RARB: variants seen among roughly 807,000 people sequenced by gnomAD.
RARB encodes the protein retinoic acid receptor beta.
In RARB, 17 loss-of-function variants were observed where a neutral mutation model predicts 51.9. The observed-to-expected ratio is 0.33, with a 90% CI of 0.22 to 0.49. RARB has a LOEUF of 0.49. RARB is among the 20% of genes least tolerant of loss of function. RARB has a pLI of 0.99. For missense variants in RARB, 369 were observed against 550.8 expected (o/e 0.67, Z 3.30); for synonymous variants, 215 against 195.4 (o/e 1.10, Z -0.84).
rs150133434 is a variant in RARB, at chr3:25,200,254, C to G, written c.178+25679C>G. Among the ~76,000 whole-genome samples the G allele has an allele frequency of 6.3e-3, 950 of 150,718 alleles. 18 individuals carry two copies. Among genetic ancestry groups the G allele is most frequent in the East Asian group, 0.03 (156 of 5,156 alleles). ...CTGCATAAATGTCTTCTTTTGAGAA[C>G]TGTCTGTTCATATCATTTGCCCACT... On this transcript the variant is annotated intron_variant, in intron 5 of 11. Coordinates refer to the RARB transcript ENST00000383772.
chr3:24,879,044 ACTTTT>A (rs1379242935), intron 2 of RARB, among the ~76,000 whole-genome samples: 2 of 151,984 alleles, frequency 1.3e-5, no homozygotes, highest in African/African-American at 2.4e-5. Flanking sequence ...TTTCACACCT[ACTTTT>A]CTTTTATGTT....
At chr3:25,359,934 A>G (rs1396069034) in intron 5 of RARB, among the ~76,000 whole-genome samples, 1 of 152,224 alleles carries the variant, frequency 6.6e-6, no homozygotes, top group Non-Finnish European at 1.5e-5. Context: ...TGTAGTGCTG[A>G]GAAGAATGTA....
chr3:25,306,710 GA>G (rs1390300186), intron 5 of RARB, among the ~76,000 whole-genome samples: 8 of 152,110 alleles, frequency 5.3e-5, no homozygotes, highest in African/African-American at 4.8e-5. Context: ...TATTCTGGGG[GA>G]AAAAAAGCTG....
chr3:25,436,565 A>G (rs1029535341), intron 1 of RARB, among the ~76,000 whole-genome samples: 1 of 152,162 alleles, frequency 6.6e-6, no homozygotes, highest in South Asian at 2.1e-4. Context: ...AAACAATACA[A>G]ACTAGAGGTA....
At chr3:25,275,917 G>C (rs1703371015) in intron 5 of RARB, among the ~76,000 whole-genome samples, 1 of 152,214 alleles carries the variant, frequency 6.6e-6, no homozygotes, top group African/African-American at 2.4e-5. Context: ...AGAACTTAAA[G>C]TATAATTAAA....
chr3:25,332,877 C>A (rs1704945164), intron 5 of RARB, among the ~76,000 whole-genome samples: 1 of 152,130 alleles, frequency 6.6e-6, no homozygotes, highest in African/African-American at 2.4e-5. Context: ...TCCTATACAC[C>A]AATAACAAAC....
chr3:24,937,709 T>A (rs1332480390), intron 2 of RARB, among the ~76,000 whole-genome samples: 4 of 152,086 alleles, frequency 2.6e-5, no homozygotes, highest in Admixed American at 2.0e-4. Context: ...TCCTCACTGT[T>A]GGGGCATCCT....
chr3:25,010,608 G>C lies in RARB; in HGVS notation c.-379-49517G>C, dbSNP rs117200748. Among the ~76,000 whole-genome samples the C allele has an allele frequency of 6.9e-4, 105 of 152,174 alleles. 1 individual carries two copies. In the East Asian group the frequency reaches 0.015, roughly 22 times the overall value. On this transcript the variant is annotated intron_variant, in intron 2 of 11. Coordinates refer to the RARB transcript ENST00000383772. ...GGATCTTCTATCTGGTTGCAACAAA[G>C]TGGGCACTTCCACATTCATTACCTC...
intron 3 of RARB, among the ~76,000 whole-genome samples, 153 bp downstream of exon 3, chr3:25,501,476 G>A (rs1047061975): frequency 6.6e-6 from 1 of 152,332 alleles, no homozygotes; most frequent in East Asian, 1.9e-4. Flanking sequence ...GATTGATATG[G>A]AGATTTTGAG....
intron 3 of RARB, among the ~76,000 whole-genome samples, chr3:25,070,730 GT>G (rs1275591575): frequency 1.3e-5 from 2 of 152,178 alleles, no homozygotes; most frequent in African/African-American, 4.8e-5. Flanking sequence ...GGTAAAGCCT[GT>G]TTTTTATGGA....
chr3:25,167,837 C>A (rs551540081), intron 4 of RARB, among the ~76,000 whole-genome samples: 14 of 152,230 alleles, frequency 9.2e-5, no homozygotes, highest in African/African-American at 3.4e-4. Context: ...TTCCTCCATT[C>A]GAATACTAGA....
Position 25,135,192 on chromosome 3 carries a change from G to A in RARB, c.-280+2984G>A, listed in dbSNP as rs1388124331. The stretch of plus-strand genomic sequence containing the variant: ...GATAGAGTAGCCACTAGCCAGGTGT[G>A]GCTATTGAGCGCTCAAAAATAGCTA... On this transcript the variant is annotated intron_variant, in intron 4 of 11. Transcript: ENST00000383772. 2.0e-5 allele frequency among the ~76,000 whole-genome samples: 3 copies of A among 151,628 alleles called. No homozygotes were observed. In the East Asian group the frequency reaches 5.8e-4, roughly 29 times the overall value.
chr3:25,563,108 C>T (rs17016773), intron 3 of RARB, among the ~76,000 whole-genome samples: 28,367 of 152,192 alleles, frequency 0.19, 2,979 homozygotes, highest in East Asian at 0.4. Context: ...AAGCATGCTC[C>T]TTGCTCAATT....
chr3:25,109,172 TATAGTTACCTC>T (rs1699558821), intron 3 of RARB, among the ~76,000 whole-genome samples: 1 of 152,212 alleles, frequency 6.6e-6, no homozygotes, highest in South Asian at 2.1e-4. Flanking sequence ...AATGGGTAGG[TATAGTTACCTC>T]ATATAATATT....
chr3:25,522,921 C>A (rs1698463661), intron 3 of RARB, among the ~76,000 whole-genome samples: 3 of 152,150 alleles, frequency 2.0e-5, no homozygotes, highest in Admixed American at 1.3e-4. Flanking sequence ...AAATGGACAC[C>A]TGATTAGAAT....
chr3:25,510,490 G>A lies in RARB; in HGVS notation c.448+9167G>A, dbSNP rs146254947. On this transcript the variant is annotated intron_variant, in intron 3 of 7. Coordinates refer to ENST00000330688, the MANE Select transcript of RARB (RefSeq NM_000965.5). ...AATACAAAAAAATTAGCCGGGCATG[G>A]TGGTGAGCCTCTGTAATCCCAGCTA... Among the ~76,000 whole-genome samples, 653 of 152,076 alleles carry A rather than the reference G, an allele frequency of 4.3e-3. 3 individuals are homozygous for A. The highest frequency in any genetic ancestry group is 0.015 in the African/African-American group (619 of 41,468).
At chr3:25,584,885 A>G (rs920679745) in intron 5 of RARB, among the ~76,000 whole-genome samples, 1 of 152,044 alleles carries the variant, frequency 6.6e-6, no homozygotes, top group African/African-American at 2.4e-5. Context: ...GTTGGACTCT[A>G]CAGTCAACTC....
At chr3:24,880,840 C>T (rs1001294827) in intron 2 of RARB, among the ~76,000 whole-genome samples, 2 of 152,174 alleles carry the variant, frequency 1.3e-5, no homozygotes, top group Non-Finnish European at 2.9e-5. Flanking sequence ...TGTTGTGTTA[C>T]TGTGAACTTA....
At chr3:25,157,576 T>C (rs1325758512) in intron 4 of RARB, among the ~76,000 whole-genome samples, 3 of 152,080 alleles carry the variant, frequency 2.0e-5, no homozygotes, top group Admixed American at 6.6e-5. Flanking sequence ...TTTTTATTTT[T>C]AGTAGAGATG....
Sources: gnomAD v4.1 joint callset for allele counts (sites outside exome capture counted in the v4.1 genomes callset) on GRCh38, gnomAD v4.1.1 for gene constraint, MANE v1.5 for transcripts, NCBI Gene and HGNC (gene_info 2026-07-23, HGNC 2026-07-21) for gene names.